The following BOD1L1 variants were observed in gnomAD, a reference collection of about 807,000 sequenced individuals.
The protein encoded by BOD1L1 is biorientation of chromosomes in cell division protein 1-like 1.
A neutral mutation model predicts 240.7 loss-of-function variants in BOD1L1; 86 were observed. The ratio of observed to expected loss-of-function variants is 0.36; its 90% CI spans 0.30 to 0.43. The LOEUF is 0.43. Ranked by LOEUF, BOD1L1 falls within the 20% of genes least tolerant of loss-of-function variation. The pLI, the probability that BOD1L1 is intolerant of heterozygous loss-of-function variation, is 1.00. For synonymous variants in BOD1L1, 1,268 were observed against 1,272.3 expected (o/e 1.00, Z 0.07); for missense variants, 3,554 against 3,643.5 (o/e 0.98, Z 0.63).
chr4:13,606,689 T>C (rs1306383222), intron 9 of BOD1L1, among the ~76,000 whole-genome samples: 1 of 152,176 alleles, frequency 6.6e-6, no homozygotes, highest in Non-Finnish European at 1.5e-5. Flanking sequence ...GAAGGTAACA[T>C]GAAATGAGTA....
rs1714588177 is a variant in BOD1L1 at position 13,595,946 on chromosome 4, T to TA, written c.8020-3dup. Reference sequence around the variant, plus strand: ...CTCTTCCTCTGAAGGCACATAAGCCTAAAAAATCCAAAGCACCATAAAAAT... The same window carrying TA: ...CTCTTCCTCTGAAGGCACATAAGCCTAAAAAAATCCAAAGCACCATAAAAAT... On this transcript the variant is annotated splice_polypyrimidine_tract_variant and splice_region_variant and intron_variant, in intron 11 of 25. Transcript: ENST00000040738. The TA allele has an allele frequency of 2.5e-6, 4 of 1,612,314 alleles. No homozygotes were observed. The highest frequency in any genetic ancestry group is 3.4e-6 in the Non-Finnish European group (4 of 1,179,418).
chr4:13,580,995 A>C (rs1713181125), intron 21 of BOD1L1, 25 bp downstream of exon 21: 1 of 1,561,792 alleles, frequency 6.4e-7, no homozygotes, highest in African/African-American at 1.4e-5. Context: ...AGTATTTGAA[A>C]TTGTCATGTT....
At chr4:13,571,121 G>C (rs966596617) in intron 25 of BOD1L1, among the ~76,000 whole-genome samples, 1 of 152,180 alleles carries the variant, frequency 6.6e-6, no homozygotes, top group Non-Finnish European at 1.5e-5. Context: ...ATAGTGGGTT[G>C]TTGCCAAAAA....
At chr4:13,612,328 C>T (rs1243892865) in intron 5 of BOD1L1, among the ~76,000 whole-genome samples, 1 of 152,130 alleles carries the variant, frequency 6.6e-6, no homozygotes, top group East Asian at 1.9e-4. Context: ...AAATAAAACT[C>T]AATATTTTTA....
chr4:13,602,023 C>T lies in BOD1L1; in HGVS notation c.4877G>A (p.Arg1626Lys). Residue 1626 changes from arginine to lysine, a missense_variant, in exon 10 of 26, where the codon AGA becomes AAA. Physicochemically the swap from Arg to Lys is conservative, Grantham distance 26. Around this residue, in one of 2 missense-constraint regions of BOD1L1, gnomAD observed 3,393 missense variants for 3,427.1 expected, o/e 0.99. Transcript: ENST00000040738. ...ATGCACAGCCAGTAGGTCTGCTGCT[C>T]TGTCCTCAGATTCAGCCACAGCACA... Reference protein sequence around the residue: ...GECAVAESEDRAADLLAVHAV... With the variant: ...GECAVAESEDKAADLLAVHAV... 2 of 1,613,990 alleles carry T rather than the reference C, an allele frequency of 1.2e-6. No homozygotes were observed. Among genetic ancestry groups the T allele is most frequent in the Non-Finnish European group, 1.7e-6 (2 of 1,179,898 alleles).
At chr4:13,607,024 A>T (rs1715761778) in intron 9 of BOD1L1, 93 bp downstream of exon 9, 2 of 880,190 alleles carry the variant, frequency 2.3e-6, no homozygotes, top group Admixed American at 3.9e-5. Flanking sequence ...TGACTTGAAA[A>T]AAGTCAAATT....
Position 13,581,056 on chromosome 4 carries a change from TAAA to T in BOD1L1, c.8669-5_8669-3del. The T allele has an allele frequency of 8.3e-7, 1 of 1,198,078 alleles. No individual in the cohort carries two copies. Among genetic ancestry groups the T allele is most frequent in the Admixed American group, 2.3e-5 (1 of 43,494 alleles). The allele number at this position is 1,198,078 out of a possible 1,614,324, so 74.2% of individuals were successfully genotyped here. A position where few individuals can be genotyped will look rare whatever the true frequency, so the allele number is the denominator to read the frequency against. On this transcript the variant is annotated splice_polypyrimidine_tract_variant and splice_region_variant and intron_variant, in intron 20 of 25. Transcript: ENST00000040738. ...CAGTATCTGTTTTGGAGTCGTCTTC[TAAA>T]AAAAAAAAATTCACTTAGAAAATCG...
rs149462456 is a variant in BOD1L1, at chr4:13,604,548, A to G, written c.2352T>C (p.Asp784=). The change falls in exon 10 of 26, where the codon GAT becomes GAC. Residue 784 remains aspartate, a synonymous_variant. Transcript: ENST00000040738. ...KQSQQTKLSS[D]DKTERKSKHR... ...GTTTACTTTTTCGTTCGGTTTTATC[A>G]TCTGAAGAAAGCTTTGTTTGTTGAC... 1.3e-6 allele frequency: 2 copies of G among 1,547,708 alleles called. No homozygotes were observed. The highest frequency in any genetic ancestry group is 2.3e-5 in the Admixed American group (1 of 43,066).
intron 16 of BOD1L1, 39 bp from the exon 17 acceptor site, chr4:13,586,514 G>A: frequency 7.2e-7 from 1 of 1,395,656 alleles, no homozygotes; most frequent in South Asian, 1.3e-5. Context: ...AGGAACAAAA[G>A]CTAAATGAAA....
Position 13,577,027 on chromosome 4 carries a change from A to G in BOD1L1, c.8885-36T>C, listed in dbSNP as rs754182844. 3.6e-5 allele frequency: 57 copies of G among 1,603,898 alleles called. No individual in the cohort carries two copies. In the Middle Eastern group the frequency reaches 5.0e-4, roughly 14 times the overall value. On this transcript the variant is annotated intron_variant, in intron 24 of 25. Transcript: ENST00000040738. ...AGAAGGGTAACACCTGGATTTTACA[A>G]TTCCCAAAGATACTTCCAAGAGAGA...
chr4:13,590,356 A>T lies in BOD1L1; in HGVS notation c.8209+30T>A, dbSNP rs764878254. 19 of 1,237,962 alleles carry T rather than the reference A, an allele frequency of 1.5e-5. No homozygotes were observed. The South Asian group carries it at 2.5e-4, about 16-fold the overall frequency. 76.7% of individuals were successfully genotyped at this position (1,237,962 alleles called of 1,614,324 possible). On this transcript the variant is annotated intron_variant, in intron 14 of 25. Transcript: ENST00000040738. ...TCAATAAATGTTAACTATAATATTA[A>T]AACTATAACTATGAAATTCATTAAC... is the stretch of plus-strand genomic sequence containing the variant.
At position 13,602,402 on chromosome 4, in the gene BOD1L1, C is replaced by T. The variant is rs746049239; in HGVS notation, c.4498G>A (p.Gly1500Arg). The change falls in exon 10 of 26, where the codon GGA (glycine) becomes AGA (arginine). Residue 1500 changes from glycine (G) to arginine (R), a missense_variant. Around this residue, in one of 2 missense-constraint regions of BOD1L1, gnomAD observed 3,393 missense variants for 3,427.1 expected, o/e 0.99. Transcript: ENST00000040738. ...CCAGTTGCCACATCCTCAGTTTGTC[C>T]GTTCCTTTGGTGTAAAACAGAGGGT... ...SAPSVLHQRN[G>R]QTEDVATGPR... 6 of 1,613,938 alleles carry T rather than the reference C, an allele frequency of 3.7e-6. No individual in the cohort carries two copies. Among genetic ancestry groups the T allele is most frequent in the South Asian group, 3.3e-5 (3 of 91,066 alleles).
chr4:13,590,638 GT>G, intron 13 of BOD1L1, among the ~76,000 whole-genome samples, 192 bp from the exon 14 acceptor site: 1 of 152,116 alleles, frequency 6.6e-6, no homozygotes. Context: ...AAAAATTTCA[GT>G]TTAACAAATT....
chr4:13,619,543 G>A (rs183400868), intron 2 of BOD1L1, among the ~76,000 whole-genome samples: 2 of 152,076 alleles, frequency 1.3e-5, no homozygotes, highest in South Asian at 2.1e-4. Context: ...AATCAAGAGA[G>A]AATATTTTAA....
chr4:13,582,458 G>A, intron 18 of BOD1L1, 148 bp from the exon 19 acceptor site: 2 of 724,978 alleles, frequency 2.8e-6, no homozygotes, highest in South Asian at 3.6e-5. Context: ...GCCTGAGTTT[G>A]GGTGACTAGT....
rs1274809154 is a variant in BOD1L1, at chr4:13,573,466, ATCTATCTTTCTT to A, written c.9039-3350_9039-3339del. 9.8e-3 allele frequency among the ~76,000 whole-genome samples: 1,083 copies of A among 109,960 alleles called. 5 individuals are homozygous for A. Among genetic ancestry groups the A allele is most frequent in the Middle Eastern group, 0.017 (3 of 178 alleles). 72.1% of individuals were successfully genotyped at this position (109,960 alleles called of 152,430 possible). ...TGTCTATCTATCTATCTATCTATCT[ATCTATCTTTCTT>A]TCTTTCTTTCTTTCTTTTGAGAAAG... On this transcript the variant is annotated intron_variant, in intron 25 of 25. Transcript: ENST00000040738.
At chr4:13,605,692 T>C (rs754224986) in intron 9 of BOD1L1, among the ~76,000 whole-genome samples, 1 of 152,194 alleles carries the variant, frequency 6.6e-6, no homozygotes, top group African/African-American at 2.4e-5. Context: ...GAAGGCAATT[T>C]AAAATTGAAA....
At chr4:13,611,146 TA>T in intron 5 of BOD1L1, 46 bp from the exon 6 acceptor site, 1 of 1,406,176 alleles carries the variant, frequency 7.1e-7, no homozygotes, top group South Asian at 1.3e-5. Flanking sequence ...TGAATTAGCA[TA>T]AAATCAACAT....
chr4:13,577,906 C>CTT (rs752860284), intron 22 of BOD1L1: 238 of 229,438 alleles, frequency 1.0e-3, no homozygotes, highest in South Asian at 2.8e-3. Flanking sequence ...GATTAGACTA[C>CTT]TTTTTTTTTT....
Sources: allele counts gnomAD v4.1 joint callset (sites outside exome capture counted in the v4.1 genomes callset), GRCh38; gene constraint gnomAD v4.1.1; regional missense constraint gnomAD v4.1.1; transcripts MANE v1.5; gene names NCBI Gene and HGNC (gene_info 2026-07-23, HGNC 2026-07-21).